Variants in TANC2 observed in about 807,000 individuals in gnomAD.
TANC2 encodes tetratricopeptide repeat, ankyrin repeat and coiled-coil containing 2, also known as protein TANC2.
TANC2 carries 26 observed loss-of-function variants against 210.5 expected under a neutral mutation model. The observed-to-expected ratio is 0.12, with a 90% CI of 0.09 to 0.17. The LOEUF (loss-of-function observed/expected upper bound fraction) is 0.17. Among genes scored for constraint, TANC2 ranks in the 10% least tolerant of loss-of-function variants. The probability of loss-of-function intolerance (pLI) is 1.00; values close to 1 mark genes in which losing one functional copy is unlikely to be tolerated. For missense variants in TANC2, 2,129 were observed against 2,608.9 expected (o/e 0.82, Z 4.01); for synonymous variants, 931 against 967.1 (o/e 0.96, Z 0.69).
At chr17:62,982,575 G>C (rs548373103) in intron 1 of TANC2, among the ~76,000 whole-genome samples, 1 of 152,182 alleles carries the variant, frequency 6.6e-6, no homozygotes, top group East Asian at 1.9e-4. Context: ...CATAATTTCA[G>C]TTTCATGCAT....
At chr17:63,399,163 A>G (rs1029644591) in intron 19 of TANC2, 4 of 257,510 alleles carry the variant, frequency 1.6e-5, no homozygotes, top group East Asian at 6.9e-5. Context: ...CTTGTTTCCA[A>G]ATATTTTTAA....
chr17:63,395,757 T>C (rs1255143717), exon 18 of TANC2: 2 of 1,613,320 alleles, frequency 1.2e-6, no homozygotes, highest in African/African-American at 2.7e-5. Context: ...ATCATTTGGA[T>C]AAGAACGGGC....
intron 1 of TANC2, among the ~76,000 whole-genome samples, chr17:62,982,113 A>G (rs2032334694): frequency 6.6e-6 from 1 of 152,148 alleles, no homozygotes; most frequent in Admixed American, 6.5e-5. Context: ...CTATGGGTCA[A>G]AATCTCAACT....
intron 11 of TANC2, among the ~76,000 whole-genome samples, chr17:63,328,127 GA>G (rs1237224531): frequency 1.3e-5 from 2 of 152,136 alleles, no homozygotes; most frequent in African/African-American, 4.8e-5. Context: ...TAATAAATGG[GA>G]GCTAAACATT....
intron 5 of TANC2, among the ~76,000 whole-genome samples, chr17:63,159,975 G>T (rs970625137): frequency 6.6e-6 from 1 of 152,224 alleles, no homozygotes; most frequent in African/African-American, 2.4e-5. Context: ...TTTGGTGAGG[G>T]CATTTTTCCT....
At chr17:63,043,560 T>G (rs890532367) in intron 2 of TANC2, among the ~76,000 whole-genome samples, 6 of 152,158 alleles carry the variant, frequency 3.9e-5, no homozygotes, top group Admixed American at 1.3e-4. Flanking sequence ...GAGTCGGGAC[T>G]TGTACTCATG....
intron 2 of TANC2, among the ~76,000 whole-genome samples, chr17:63,059,284 A>C (rs1329325273): frequency 1.3e-5 from 2 of 152,106 alleles, no homozygotes; most frequent in African/African-American, 4.8e-5. Flanking sequence ...TTGAATATGC[A>C]CTCAGGAACA....
intron 19 of TANC2, among the ~76,000 whole-genome samples, chr17:63,403,494 A>G (rs970889158): frequency 5.9e-5 from 9 of 152,120 alleles, no homozygotes; most frequent in African/African-American, 1.9e-4. Context: ...AACCTTTTAG[A>G]AATATGAACT....
At chr17:63,168,378 C>T (rs78614882) in intron 5 of TANC2, among the ~76,000 whole-genome samples, 3,640 of 152,166 alleles carry the variant, frequency 0.024, 60 homozygotes, top group Non-Finnish European at 0.038. Flanking sequence ...AATAATGACT[C>T]GTGCCATTGA....
At chr17:63,354,664 A>C (rs531352207) in intron 13 of TANC2, 119 bp from the exon 14 acceptor site, 2 of 1,322,850 alleles carry the variant, frequency 1.5e-6, no homozygotes, top group South Asian at 3.3e-5. Context: ...ATACTTGATC[A>C]TGTTTCCCTG....
chr17:63,329,513 A>T (rs2045764703), intron 11 of TANC2, among the ~76,000 whole-genome samples: 1 of 152,108 alleles, frequency 6.6e-6, no homozygotes, highest in African/African-American at 2.4e-5. Context: ...GAAAACAGAC[A>T]CTCTCATACT....
At chr17:63,242,779 C>T (rs980382288) in intron 8 of TANC2, among the ~76,000 whole-genome samples, 1 of 152,078 alleles carries the variant, frequency 6.6e-6, no homozygotes, top group South Asian at 2.1e-4. Context: ...TGTATCCATA[C>T]AGTGAAATTC....
chr17:63,339,595 T>A (rs1473726944), intron 11 of TANC2, among the ~76,000 whole-genome samples: 1 of 152,242 alleles, frequency 6.6e-6, no homozygotes, highest in Non-Finnish European at 1.5e-5. Flanking sequence ...TTTTAAAATC[T>A]GAATTACTTT....
intron 6 of TANC2, among the ~76,000 whole-genome samples, chr17:63,200,355 C>CAAAAAAA (rs10598629): frequency 1.8e-4 from 17 of 93,586 alleles, no homozygotes; most frequent in East Asian, 3.2e-4. Flanking sequence ...AACTCTGTCT[C>CAAAAAAA]AAAAAAAAAA....
chr17:63,172,203 T>A (rs1258203981), intron 5 of TANC2, among the ~76,000 whole-genome samples: 3 of 151,362 alleles, frequency 2.0e-5, no homozygotes, highest in Non-Finnish European at 3.0e-5. Flanking sequence ...CTTTTTTTTT[T>A]TTTTTTAGAT....
intron 27 of TANC2, among the ~76,000 whole-genome samples, chr17:63,419,391 A>T (rs1294836351): frequency 6.6e-6 from 1 of 152,144 alleles, no homozygotes; most frequent in Non-Finnish European, 1.5e-5. Flanking sequence ...TGTAAATTAG[A>T]GTCTCCTTGG....
rs78751151 is a variant in TANC2, at chr17:62,996,161, G to A, written c.-23-13376G>A. Among the ~76,000 whole-genome samples the A allele has an allele frequency of 9.9e-3, 1,500 of 152,166 alleles. 56 individuals carry two copies. Among genetic ancestry groups the A allele is most frequent in the Admixed American group, 0.074 (1,130 of 15,280 alleles). On this transcript the variant is annotated intron_variant, in intron 1 of 27. Transcript: ENST00000689528. ...AACAGAGTTTTTACGTTTTCCAGAAGCCTCAAATTCATGCTAGATTTGTGT... is the reference window on the plus strand; with the variant it reads ...AACAGAGTTTTTACGTTTTCCAGAAACCTCAAATTCATGCTAGATTTGTGT...
exon 11 of TANC2, chr17:63,319,090 G>A: frequency 6.2e-7 from 1 of 1,610,614 alleles, no homozygotes. Flanking sequence ...TAGCCTCGCA[G>A]GTACAATATG....
At chr17:63,300,375 G>A (rs1269284335) in intron 9 of TANC2, among the ~76,000 whole-genome samples, 2 of 152,188 alleles carry the variant, frequency 1.3e-5, no homozygotes, top group Admixed American at 6.5e-5. Context: ...ACTTTGAGCA[G>A]TATGGCCATT....
Sources: gnomAD v4.1 joint callset for allele counts (sites outside exome capture counted in the v4.1 genomes callset) on GRCh38, gnomAD v4.1.1 for gene constraint, MANE v1.5 for transcripts, NCBI Gene and HGNC (gene_info 2026-07-23, HGNC 2026-07-21) for gene names.